The following AVP variants were observed in gnomAD, a reference collection of about 807,000 sequenced individuals.
AVP encodes the protein arginine vasopressin, also known as vasopressin-neurophysin 2-copeptin.
A neutral mutation model predicts 11.1 loss-of-function variants in AVP; 9 were observed. That is an observed-to-expected ratio of 0.81 (90% CI 0.49 to 1.42). The LOEUF (loss-of-function observed/expected upper bound fraction) is 1.42, where lower values mean the gene tolerates loss of function less well. Among genes scored for constraint, AVP ranks in the 40% most tolerant of loss-of-function variants. The pLI, the probability that AVP is intolerant of heterozygous loss-of-function variation, is 0.00. For synonymous variants in AVP, 106 were observed against 111.3 expected (o/e 0.95, Z 0.30); for missense variants, 206 against 238.5 (o/e 0.86, Z 0.90).
chr20:3,083,274 C>T lies in AVP; in HGVS notation c.121-96G>A. 11 of 1,271,948 alleles carry T rather than the reference C, an allele frequency of 8.6e-6. No homozygotes were observed. The highest frequency in any genetic ancestry group is 3.2e-5 in the East Asian group (1 of 31,688). 78.8% of individuals were successfully genotyped at this position (1,271,948 alleles called of 1,614,324 possible). ...GGCGGGGATGCTGGGGTCCAGGGCT[C>T]GGAGTGCGGGCGGGACACCGGGGCT... On this transcript the variant is annotated intron_variant, in intron 1 of 2. Coordinates refer to ENST00000380293, the MANE Select transcript of AVP (RefSeq NM_000490.5). The surrounding 1 kb of genome is among the most constrained non-coding windows in gnomAD (Gnocchi z 5.4).
chr20:3,082,744 G>T lies in AVP; in HGVS notation c.381C>A (p.Ser127Arg). 2 of 1,276,442 alleles carry T rather than the reference G, an allele frequency of 1.6e-6. No homozygotes were observed. Among genetic ancestry groups the T allele is most frequent in the South Asian group, 2.6e-5 (1 of 38,942 alleles). 79.1% of individuals were successfully genotyped at this position (1,276,442 alleles called of 1,614,324 possible). A position where few individuals can be genotyped will look rare whatever the true frequency, so the allele number is the denominator to read the frequency against. The change falls in exon 3 of 3, where the codon AGC becomes AGA. Residue 127 changes from serine (S) to arginine (R), a missense_variant. Coordinates refer to ENST00000380293, the MANE Select transcript of AVP (RefSeq NM_000490.5). The surrounding 1 kb of genome is among the most constrained non-coding windows in gnomAD (Gnocchi z 4.7). Reference protein sequence around the residue: ...REGFHRRARASDRSNATQLDG... With the variant: ...REGFHRRARARDRSNATQLDG... ...CCAGCTGCGTGGCGTTGCTCCGGTC[G>T]CTGGCGCGGGCGCGGCGGTGAAAGC... is the stretch of plus-strand genomic sequence containing the variant.
In AVP at chr20:3,084,597, C is replaced by G. The variant is rs537943771; in HGVS notation, c.78G>C (p.Pro26=). The change falls in exon 1 of 3, where the codon CCG becomes CCC. Residue 26 remains proline, a synonymous_variant. Transcript: ENST00000380293. ...CGGACATGGCCCTCTTGCCGCCCCT[C>G]GGGCAGTTCTGGAAGTAGCACGCGG... ...FSSACYFQNC[P]RGGKRAMSDL... 1 of 1,613,960 alleles carries G rather than the reference C, an allele frequency of 6.2e-7. No homozygotes were observed. The highest frequency in any genetic ancestry group is 1.7e-5 in the Admixed American group (1 of 60,032).
At position 3,082,716 on chromosome 20, in the gene AVP, C is replaced by T. The variant is rs765019311; in HGVS notation, c.409G>A (p.Gly137Arg). The T allele has an allele frequency of 3.1e-6, 4 of 1,285,850 alleles. No homozygotes were observed. The South Asian group carries it at 7.4e-5, about 24-fold the overall frequency. The allele number at this position is 1,285,850 out of a possible 1,614,324, so 79.7% of individuals were successfully genotyped here. The change falls in exon 3 of 3, where the codon GGG (glycine) becomes AGG (arginine). Residue 137 changes from glycine to arginine, a missense_variant. Physicochemically the swap from Gly to Arg is moderately radical, Grantham distance 125. Coordinates refer to ENST00000380293, the MANE Select transcript of AVP (RefSeq NM_000490.5). The surrounding 1 kb of genome is among the most constrained non-coding windows in gnomAD (Gnocchi z 4.7). ...SDRSNATQLDGPAGALLLRLV... is the reference protein window; with the variant it reads ...SDRSNATQLDRPAGALLLRLV... Reference sequence around the variant, plus strand: ...CGCAGCAGCAAGGCCCCGGCCGGCCCGTCCAGCTGCGTGGCGTTGCTCCGG... The same window carrying T: ...CGCAGCAGCAAGGCCCCGGCCGGCCTGTCCAGCTGCGTGGCGTTGCTCCGG...
rs1398869147 is a variant in AVP, at chr20:3,083,155, GC to G, written c.143del (p.Gly48AlafsTer64). 6 of 1,508,116 alleles carry G rather than the reference GC, an allele frequency of 4.0e-6. No individual in the cohort carries two copies. The Admixed American group carries it at 6.2e-5, about 16-fold the overall frequency. The allele number at this position is 1,508,116 out of a possible 1,614,324, so 93.4% of individuals were successfully genotyped here. On this transcript the variant is annotated frameshift_variant, in exon 2 of 3. Transcript: ENST00000380293. LOFTEE classifies it high-confidence loss of function. The surrounding 1 kb of genome is among the most constrained non-coding windows in gnomAD (Gnocchi z 5.4). ...LRQCLPCGPGGKGRCFGPSIC... is the reference protein window; with the variant it reads ...LRQCLPCGPGXKGRCFGPSIC... ...TGCTGGGCCCGAAGCAGCGGCCTTT[GC>G]CCCCGGGGCCGCAGGGGAGGCACTG... is the stretch of plus-strand genomic sequence containing the variant.
chr20:3,082,759 GCGGTGAAAGCCCTCGCGGCACTCGGGCT>G lies in AVP; in HGVS notation c.338_365del (p.Glu113AlafsTer?). 7.9e-7 allele frequency: 1 copy of G among 1,271,644 alleles called. No individual in the cohort carries two copies. The highest frequency in any genetic ancestry group is 9.9e-7 in the Non-Finnish European group (1 of 1,011,112). 78.8% of individuals were successfully genotyped at this position (1,271,644 alleles called of 1,614,324 possible). On this transcript the variant is annotated frameshift_variant, in exon 3 of 3. Coordinates refer to ENST00000380293, the MANE Select transcript of AVP (RefSeq NM_000490.5). LOFTEE classifies it low-confidence loss of function (END_TRUNC). This position sits in a 1 kb window ranked among gnomAD's most constrained non-coding sequence, Gnocchi z 4.7. ...TGCTCCGGTCGCTGGCGCGGGCGCG[GCGGTGAAAGCCCTCGCGGCACTCGGGCT>G]CGGTCACGCAGCTCTCTGCCGGGAG...
chr20:3,083,858 C>G lies in AVP; in HGVS notation c.121-680G>C, dbSNP rs975675285. Among the ~76,000 whole-genome samples, 2 of 152,224 alleles carry G rather than the reference C, an allele frequency of 1.3e-5. No individual in the cohort carries two copies. The highest frequency in any genetic ancestry group is 2.9e-5 in the Non-Finnish European group (2 of 68,046). Reference sequence around the variant, plus strand: ...GCGGGGGTTGCCGAGCGGCCACTCTCATCTGCTCAACAGCCGGTTCTCTGG... The same window carrying G: ...GCGGGGGTTGCCGAGCGGCCACTCTGATCTGCTCAACAGCCGGTTCTCTGG... On this transcript the variant is annotated intron_variant, in intron 1 of 2. Transcript: ENST00000380293. The surrounding 1 kb of genome is among the most constrained non-coding windows in gnomAD (Gnocchi z 5.4).
At position 3,083,016 on chromosome 20, in the gene AVP, C is replaced by G. The variant is rs891637899; in HGVS notation, c.283G>C (p.Gly95Arg). 4 of 1,543,234 alleles carry G rather than the reference C, an allele frequency of 2.6e-6. No homozygotes were observed. Among genetic ancestry groups the G allele is most frequent in the African/African-American group, 1.4e-5 (1 of 70,328 alleles). ...CQSGQKACGS[G>R]GRCAAFGVCC... ...ACGCCGAAGGCGGCGCAGCGGCCCC[C>G]GCTCCCGCACGCCTTCTGGCCGGAC... The change falls in exon 2 of 3, where the codon GGG (glycine) becomes CGG (arginine). Residue 95 changes from glycine (G) to arginine (R), a missense_variant. By Grantham distance (125) the Gly-to-Arg change is moderately radical. This residue lies in a region of AVP where 100 missense variants were observed against 149.3 expected (regional missense o/e 0.67). Transcript: ENST00000380293. The surrounding 1 kb of genome is among the most constrained non-coding windows in gnomAD (Gnocchi z 5.4).
chr20:3,082,726 C>A lies in AVP; in HGVS notation c.399G>T (p.Thr133=). 1 of 1,292,868 alleles carries A rather than the reference C, an allele frequency of 7.7e-7. No homozygotes were observed. Among genetic ancestry groups the A allele is most frequent in the Non-Finnish European group, 9.8e-7 (1 of 1,023,388 alleles). 80.1% of individuals were successfully genotyped at this position (1,292,868 alleles called of 1,614,324 possible). A position where few individuals can be genotyped will look rare whatever the true frequency, so the allele number is the denominator to read the frequency against. ...RARASDRSNA[T]QLDGPAGALL... ...AGGCCCCGGCCGGCCCGTCCAGCTG[C>A]GTGGCGTTGCTCCGGTCGCTGGCGC... is the stretch of plus-strand genomic sequence containing the variant. The change falls in exon 3 of 3, where the codon ACG becomes ACT. Residue 133 remains threonine (T), a synonymous_variant. Transcript: ENST00000380293. The surrounding 1 kb of genome is among the most constrained non-coding windows in gnomAD (Gnocchi z 4.7).
chr20:3,082,778 CA>C lies in AVP; in HGVS notation c.346del (p.Cys116AlafsTer?). The C allele has an allele frequency of 7.9e-7, 1 of 1,259,440 alleles. No individual in the cohort carries two copies. Among genetic ancestry groups the C allele is most frequent in the Non-Finnish European group, 1.0e-6 (1 of 1,004,644 alleles). The allele number at this position is 1,259,440 out of a possible 1,614,324, so 78.0% of individuals were successfully genotyped here. On this transcript the variant is annotated frameshift_variant, in exon 3 of 3. Coordinates refer to ENST00000380293, the MANE Select transcript of AVP (RefSeq NM_000490.5). LOFTEE classifies it low-confidence loss of function (END_TRUNC). The surrounding 1 kb of genome is among the most constrained non-coding windows in gnomAD (Gnocchi z 4.7). ...NDESCVTEPE[C>X]REGFHRRARA... Reference sequence around the variant, plus strand: ...GGCGCGGCGGTGAAAGCCCTCGCGGCACTCGGGCTCGGTCACGCAGCTCTCT... The same window carrying C: ...GGCGCGGCGGTGAAAGCCCTCGCGGCCTCGGGCTCGGTCACGCAGCTCTCT...
rs1435740698 is a variant in AVP, at chr20:3,084,562, A to T, written c.113T>A (p.Leu38Gln). Residue 38 changes from leucine (L) to glutamine (Q), a missense_variant, in exon 1 of 3, where the codon CTG becomes CAG. Physicochemically the swap from Leu to Gln is moderately radical, Grantham distance 113 (BLOSUM62 -2). Transcript: ENST00000380293. ...GCCCACAGTGGGAAGTACCTGTCTC[A>T]GCTCCAGGTCGGACATGGCCCTCTT... The part of the protein sequence containing the change: ...GGKRAMSDLE[L>Q]RQCLPCGPGG... 3.7e-6 allele frequency: 6 copies of T among 1,613,916 alleles called. No homozygotes were observed. In the East Asian group the frequency reaches 1.3e-4, roughly 36 times the overall value.
chr20:3,084,617 A>G lies in AVP; in HGVS notation c.58T>C (p.Cys20Arg). Residue 20 changes from cysteine to arginine, a missense_variant, in exon 1 of 3, where the codon TGC becomes CGC. By Grantham distance (180) the Cys-to-Arg change is radical (BLOSUM62 -3). This residue lies in a region of AVP where 100 missense variants were observed against 149.3 expected (regional missense o/e 0.67). Coordinates refer to ENST00000380293, the MANE Select transcript of AVP (RefSeq NM_000490.5). ...CCCCTCGGGCAGTTCTGGAAGTAGCACGCGGAGGAGAAGGCCAGTAGGCCG... is the reference window on the plus strand; with the variant it reads ...CCCCTCGGGCAGTTCTGGAAGTAGCGCGCGGAGGAGAAGGCCAGTAGGCCG... The part of the protein sequence containing the change: ...FLGLLAFSSA[C>R]YFQNCPRGGK... The G allele has an allele frequency of 6.2e-7, 1 of 1,613,926 alleles. No homozygotes were observed. Among genetic ancestry groups the G allele is most frequent in the Non-Finnish European group, 8.5e-7 (1 of 1,180,030 alleles).
Position 3,082,899 on chromosome 20 carries a change from A to T in AVP, c.322+78T>A. ...CCCTGCCGGGCCCGACGCAGCCCCC[A>T]CCCCGCCGCAGGCCCGCGTCCCCCC... On this transcript the variant is annotated intron_variant, in intron 2 of 2. Transcript: ENST00000380293. This position sits in a 1 kb window ranked among gnomAD's most constrained non-coding sequence, Gnocchi z 4.7. The T allele has an allele frequency of 1.5e-6, 1 of 667,886 alleles. No individual in the cohort carries two copies. The highest frequency in any genetic ancestry group is 1.9e-6 in the Non-Finnish European group (1 of 538,850). The allele number at this position is 667,886 out of a possible 1,614,324, so 41.4% of individuals were successfully genotyped here.
chr20:3,082,929 CAAG>C lies in AVP; in HGVS notation c.322+45_322+47del. 1 of 1,115,280 alleles carries C rather than the reference CAAG, an allele frequency of 9.0e-7. No homozygotes were observed. The highest frequency in any genetic ancestry group is 1.1e-6 in the Non-Finnish European group (1 of 891,202). 69.1% of individuals were successfully genotyped at this position (1,115,280 alleles called of 1,614,324 possible). A position where few individuals can be genotyped will look rare whatever the true frequency, so the allele number is the denominator to read the frequency against. The stretch of plus-strand genomic sequence containing the variant: ...GCCGCAGGCCCGCGTCCCCCCCACC[CAAG>C]CGGTCTGCGCCCCCCCCAGCCCCAG... On this transcript the variant is annotated intron_variant, in intron 2 of 2. Transcript: ENST00000380293. The surrounding 1 kb of genome is among the most constrained non-coding windows in gnomAD (Gnocchi z 4.7).
intron 1 of AVP, among the ~76,000 whole-genome samples, chr20:3,084,120 C>A (rs2066125601): frequency 6.6e-6 from 1 of 152,186 alleles, no homozygotes; most frequent in Non-Finnish European, 1.5e-5. Flanking sequence ...TGTGTGGGGG[C>A]CTGGGCGCCT....
Position 3,083,340 on chromosome 20 carries a change from C to T in AVP, c.121-162G>A, listed in dbSNP as rs144613286. Among the ~76,000 whole-genome samples, 220 of 152,148 alleles carry T rather than the reference C, an allele frequency of 1.4e-3. No individual in the cohort carries two copies. The highest frequency in any genetic ancestry group is 4.9e-3 in the African/African-American group (205 of 41,506). Reference sequence around the variant, plus strand: ...CTCGGGCGCCACTGGGCCTCGACCGCGGTCACGGGCGGGGCGTCCAGATCT... The same window carrying T: ...CTCGGGCGCCACTGGGCCTCGACCGTGGTCACGGGCGGGGCGTCCAGATCT... On this transcript the variant is annotated intron_variant, in intron 1 of 2. Transcript: ENST00000380293. This position sits in a 1 kb window ranked among gnomAD's most constrained non-coding sequence, Gnocchi z 5.4.
chr20:3,084,477 C>T, intron 1 of AVP, 78 bp downstream of exon 1: 1 of 1,606,190 alleles, frequency 6.2e-7, no homozygotes, highest in Non-Finnish European at 8.5e-7. Flanking sequence ...CCATGACTTC[C>T]CTCTTTCCTA....
rs1359191486 is a variant in AVP, at chr20:3,082,904, G to T, written c.322+73C>A. The T allele has an allele frequency of 4.6e-6, 2 of 435,834 alleles. No individual in the cohort carries two copies. The highest frequency in any genetic ancestry group is 6.8e-5 in the East Asian group (1 of 14,676). The allele number at this position is 435,834 out of a possible 1,614,324, so 27.0% of individuals were successfully genotyped here. A position where few individuals can be genotyped will look rare whatever the true frequency, so the allele number is the denominator to read the frequency against. On this transcript the variant is annotated intron_variant, in intron 2 of 2. Transcript: ENST00000380293. The surrounding 1 kb of genome is among the most constrained non-coding windows in gnomAD (Gnocchi z 4.7). ...CCGGGCCCGACGCAGCCCCCACCCC[G>T]CCGCAGGCCCGCGTCCCCCCCACCC...
intron 1 of AVP, among the ~76,000 whole-genome samples, chr20:3,084,249 C>A (rs2066126297): frequency 1.3e-5 from 2 of 152,168 alleles, no homozygotes; most frequent in Admixed American, 1.3e-4. Flanking sequence ...GCCATGATGC[C>A]CCGTTCTCCC....
Position 3,082,638 on chromosome 20 carries a change from C to T in AVP, c.487G>A (p.Ala163Thr), listed in dbSNP as rs2066115356. The T allele has an allele frequency of 3.9e-6, 5 of 1,269,302 alleles. 1 individual carries two copies. In the South Asian group the frequency reaches 1.2e-4, roughly 29 times the overall value. 78.6% of individuals were successfully genotyped at this position (1,269,302 alleles called of 1,614,324 possible). Residue 163 changes from alanine to threonine, a missense_variant, in exon 3 of 3, where the codon GCC (alanine) becomes ACC (threonine). This residue lies in a region of AVP where 106 missense variants were observed against 89.2 expected (regional missense o/e 1.19). Coordinates refer to ENST00000380293, the MANE Select transcript of AVP (RefSeq NM_000490.5). The surrounding 1 kb of genome is among the most constrained non-coding windows in gnomAD (Gnocchi z 4.7). ...TGGGGCGAGCGCGGGGCTCAGTAGG[C>T]GTCGGGCTGGGCGGGCTCGAAGGGC... is the stretch of plus-strand genomic sequence containing the variant. ...PEPFEPAQPDAY is the reference protein window; with the variant it reads ...PEPFEPAQPDTY
Sources: allele counts gnomAD v4.1 joint callset (sites outside exome capture counted in the v4.1 genomes callset), GRCh38; gene constraint gnomAD v4.1.1; regional missense constraint gnomAD v4.1.1; non-coding constraint Gnocchi (gnomAD v3.1); transcripts MANE v1.5; gene names NCBI Gene and HGNC (gene_info 2026-07-23, HGNC 2026-07-21).